IP6K3: variants seen among roughly 807,000 people sequenced by gnomAD.
IP6K3 encodes ATP:1D-myo-inositol-hexakisphosphate phosphotransferase.
A neutral mutation model predicts 28.8 loss-of-function variants in IP6K3; 20 were observed. The ratio of observed to expected loss-of-function variants is 0.70; its 90% CI spans 0.49 to 1.01. The LOEUF is 1.01. Ranked by LOEUF, IP6K3 falls within the 50% of genes least tolerant of loss-of-function variation. The pLI is 0.00. For synonymous variants in IP6K3, 213 were observed against 221.3 expected (o/e 0.96, Z 0.33); for missense variants, 480 against 537.1 (o/e 0.89, Z 1.05).
At chr6:33,729,665 AC>A (rs1766248695) in intron 2 of IP6K3, among the ~76,000 whole-genome samples, 1 of 151,002 alleles carries the variant, frequency 6.6e-6, no homozygotes, top group Non-Finnish European at 1.5e-5. Flanking sequence ...CCCTGGTTGT[AC>A]CCCTGAATCC....
chr6:33,739,552 A>C (rs1261638634), intron 1 of IP6K3, among the ~76,000 whole-genome samples: 1 of 152,214 alleles, frequency 6.6e-6, no homozygotes, highest in Admixed American at 6.5e-5. Flanking sequence ...CAAATTCCCA[A>C]GGAAGAGTAG....
At chr6:33,730,239 G>C (rs937044593) in intron 2 of IP6K3, among the ~76,000 whole-genome samples, 2 of 152,164 alleles carry the variant, frequency 1.3e-5, no homozygotes, top group Non-Finnish European at 2.9e-5. Context: ...GGGCCCTCCT[G>C]GGCTGGTCAG....
At chr6:33,726,239 C>T (rs896320703) in intron 4 of IP6K3, among the ~76,000 whole-genome samples, 2 of 152,206 alleles carry the variant, frequency 1.3e-5, no homozygotes, top group Admixed American at 6.5e-5. Flanking sequence ...TAGTCTACCC[C>T]ATGGGTGCTC....
At chr6:33,729,185 C>A (rs965532807) in intron 2 of IP6K3, among the ~76,000 whole-genome samples, 4 of 152,246 alleles carry the variant, frequency 2.6e-5, no homozygotes, top group Non-Finnish European at 5.9e-5. Flanking sequence ...CTGTAGCCAC[C>A]CTTTAGCGTC....
intron 1 of IP6K3, among the ~76,000 whole-genome samples, chr6:33,740,786 G>A (rs1016388441): frequency 3.3e-5 from 5 of 152,146 alleles, no homozygotes; most frequent in Non-Finnish European, 7.3e-5. Context: ...TTAACATTAC[G>A]GAAGATGCAT....
At chr6:33,725,410 C>G (rs756628242) in intron 5 of IP6K3, 31 bp downstream of exon 5, 102 of 1,569,968 alleles carry the variant, frequency 6.5e-5, no homozygotes, top group Non-Finnish European at 8.8e-5. Flanking sequence ...GCCGGGATGT[C>G]CCCCCCTGTG....
intron 3 of IP6K3, 144 bp from the exon 4 acceptor site, chr6:33,727,050 C>A: frequency 5.4e-6 from 4 of 747,124 alleles, no homozygotes; most frequent in Non-Finnish European, 6.1e-6. Context: ...GGCTGGGGCA[C>A]CCTCCCTGCC....
chr6:33,753,361 G>C, the IP6K3 span, among the ~76,000 whole-genome samples: 1 of 152,226 alleles, frequency 6.6e-6, no homozygotes, highest in Non-Finnish European at 1.5e-5. Context: ...CCAAATCCAA[G>C]AGACACGTAA....
At chr6:33,736,598 G>T (rs1766535308) in intron 1 of IP6K3, among the ~76,000 whole-genome samples, 1 of 152,102 alleles carries the variant, frequency 6.6e-6, no homozygotes, top group Non-Finnish European at 1.5e-5. Flanking sequence ...TAGAGACAGG[G>T]TTTCGCCATG....
At chr6:33,733,667 A>T (rs546963414) in intron 2 of IP6K3, among the ~76,000 whole-genome samples, 1 of 152,374 alleles carries the variant, frequency 6.6e-6, no homozygotes, top group Admixed American at 6.5e-5. Context: ...CCCCACAACC[A>T]GCCAGGCAAC....
Position 33,725,471 on chromosome 6 carries a change from G to T in IP6K3, c.735C>A (p.Ala245=), listed in dbSNP as rs1238187769. 1 of 1,612,898 alleles carries T rather than the reference G, an allele frequency of 6.2e-7. No homozygotes were observed. Among genetic ancestry groups the T allele is most frequent in the African/African-American group, 1.3e-5 (1 of 75,062 alleles). Residue 245 remains alanine (A), a synonymous_variant, in exon 5 of 6, where the codon GCC becomes GCA. Transcript: ENST00000293756. ...TGCCGCAGATGCGCACACCCAGGCA[G>T]GCTGAGGTGCTCTGCGCACACTTCC... ...HMRKCAQSTS[A]CLGVRICGMQ...
chr6:33,727,573 G>A (rs1255528310), intron 3 of IP6K3, among the ~76,000 whole-genome samples: 1 of 152,216 alleles, frequency 6.6e-6, no homozygotes, highest in Non-Finnish European at 1.5e-5. Context: ...AGAAAGGTCA[G>A]CTGACATTGT....
upstream of IP6K3, among the ~76,000 whole-genome samples, chr6:33,750,731 T>G (rs570216480): frequency 9.2e-4 from 140 of 152,320 alleles, 1 homozygote; most frequent in Non-Finnish European, 1.1e-3. The surrounding 1 kb of genome is among the most constrained non-coding windows in gnomAD (Gnocchi z 4.3). Context: ...CCTCCTGGGC[T>G]CGCCATGCTC....
chr6:33,745,022 C>T (rs918429117), intron 1 of IP6K3, among the ~76,000 whole-genome samples: 1 of 152,232 alleles, frequency 6.6e-6, no homozygotes, highest in African/African-American at 2.4e-5. Context: ...CAGCTGCCAG[C>T]TGGGCCTCCC....
intron 2 of IP6K3, among the ~76,000 whole-genome samples, chr6:33,728,641 A>G (rs1305459530): frequency 6.6e-6 from 1 of 152,112 alleles, no homozygotes; most frequent in South Asian, 2.1e-4. Context: ...CACACCTCCC[A>G]GTCACACCAC....
At chr6:33,730,012 A>T (rs915018436) in intron 2 of IP6K3, among the ~76,000 whole-genome samples, 11 of 152,146 alleles carry the variant, frequency 7.2e-5, no homozygotes, top group African/African-American at 2.7e-4. Context: ...GTGCCCTGCC[A>T]AACAGTTCCT....
At position 33,738,214 on chromosome 6, in the gene IP6K3, G is replaced by GATATCATTATATCAAAACAAATGATAA. The variant is rs1487848910; in HGVS notation, c.-179-2560_-179-2559insTTATCATTTGTTTTGATATAATGATAT. On this transcript the variant is annotated intron_variant, in intron 1 of 5. Coordinates refer to ENST00000293756, the MANE Select transcript of IP6K3 (RefSeq NM_054111.5). ...ATCTAGTCTGTAAAGTTCATTTATAGCCACTCTTGGAAGGGGCAAGACTCC... is the reference window on the plus strand; with the variant it reads ...ATCTAGTCTGTAAAGTTCATTTATAGATATCATTATATCAAAACAAATGATAACCACTCTTGGAAGGGGCAAGACTCC... 5.4e-4 allele frequency among the ~76,000 whole-genome samples: 82 copies of GATATCATTATATCAAAACAAATGATAA among 152,288 alleles called. 2 individuals are homozygous for GATATCATTATATCAAAACAAATGATAA. In the East Asian group the frequency reaches 0.012, roughly 23 times the overall value.
Position 33,726,929 on chromosome 6 carries a change from ACGGT to A in IP6K3, c.414-27_414-24del, listed in dbSNP as rs1447635920. The A allele has an allele frequency of 3.2e-6, 5 of 1,580,954 alleles. No individual in the cohort carries two copies. The East Asian group carries it at 9.1e-5, about 29-fold the overall frequency. On this transcript the variant is annotated intron_variant, in intron 3 of 5. Transcript: ENST00000293756. ...GGGCTGCGGCGGAGTGGAGCACAGG[ACGGT>A]CAGAGCAGAGGTCTGGGGAAGGGCG... is the stretch of plus-strand genomic sequence containing the variant.
intron 1 of IP6K3, among the ~76,000 whole-genome samples, chr6:33,741,618 C>T (rs1467286630): frequency 8.8e-6 from 1 of 113,764 alleles, no homozygotes; most frequent in Admixed American, 1.3e-4. Context: ...TGCACTCCAG[C>T]TTGGGCAACA....
Sources: allele counts gnomAD v4.1 joint callset (sites outside exome capture counted in the v4.1 genomes callset), GRCh38; gene constraint gnomAD v4.1.1; non-coding constraint Gnocchi (gnomAD v3.1); transcripts MANE v1.5; gene names NCBI Gene and HGNC (gene_info 2026-07-23, HGNC 2026-07-21).